EPHX1: variants seen among roughly 807,000 people sequenced by gnomAD.
The protein encoded by EPHX1 is epoxide hydrolase 1.
In EPHX1, 40 loss-of-function variants were observed where a neutral mutation model predicts 43.2. The observed-to-expected ratio is 0.93, with a 90% CI of 0.72 to 1.21. The LOEUF (loss-of-function observed/expected upper bound fraction) is 1.21. EPHX1 is among the 50% of genes most tolerant of loss of function. The pLI is 0.00. For synonymous variants in EPHX1, 221 were observed against 226.7 expected (o/e 0.98, Z 0.22); for missense variants, 550 against 570.4 (o/e 0.96, Z 0.36).
rs979428604 is a variant in EPHX1 at position 225,817,446 on chromosome 1, C to T, written c.-6+7277C>T. On this transcript the variant is annotated intron_variant, in intron 1 of 8. Coordinates refer to ENST00000272167, the MANE Select transcript of EPHX1 (RefSeq NM_001136018.4). This position sits in a 1 kb window ranked among gnomAD's most constrained non-coding sequence, Gnocchi z 5.7. Reference sequence around the variant, plus strand: ...GGGAAGCCATCCGTTTTTCCCTTTCCACTGGATGTTCCCTTCGCCTTCCCC... The same window carrying T: ...GGGAAGCCATCCGTTTTTCCCTTTCTACTGGATGTTCCCTTCGCCTTCCCC... 3.3e-5 allele frequency among the ~76,000 whole-genome samples: 5 copies of T among 152,192 alleles called. No homozygotes were observed. The highest frequency in any genetic ancestry group is 7.4e-5 in the Non-Finnish European group (5 of 68,026).
chr1:225,811,557 G>C (rs926435039), intron 1 of EPHX1, among the ~76,000 whole-genome samples: 1 of 152,214 alleles, frequency 6.6e-6, no homozygotes, highest in Non-Finnish European at 1.5e-5. Context: ...GTTGGTGGCT[G>C]TTTCGGTACC....
chr1:225,832,230 G>A (rs1283244320), intron 3 of EPHX1: 7 of 446,472 alleles, frequency 1.6e-5, no homozygotes, highest in Admixed American at 3.3e-5. Flanking sequence ...ATCTTTGAGA[G>A]GAAGGATGGA....
At chr1:225,813,968 T>C (rs2102676284) in intron 1 of EPHX1, among the ~76,000 whole-genome samples, 1 of 152,348 alleles carries the variant, frequency 6.6e-6, no homozygotes, top group South Asian at 2.1e-4. Flanking sequence ...GCCTTGTTCT[T>C]AGGTCGGGAG....
At chr1:225,843,910 C>T (rs80058156) in intron 7 of EPHX1, among the ~76,000 whole-genome samples, 6 of 152,156 alleles carry the variant, frequency 3.9e-5, no homozygotes, top group Non-Finnish European at 8.8e-5. Flanking sequence ...TCTGTCCCTG[C>T]TCCCTGCTGC....
At chr1:225,819,622 G>A (rs1264870833) in intron 1 of EPHX1, among the ~76,000 whole-genome samples, 2 of 152,112 alleles carry the variant, frequency 1.3e-5, no homozygotes, top group South Asian at 2.1e-4. Flanking sequence ...TTTCAAGGAC[G>A]TTGCCTGGGT....
At chr1:225,835,341 C>T (rs1417585809) in intron 3 of EPHX1, among the ~76,000 whole-genome samples, 1 of 150,174 alleles carries the variant, frequency 6.7e-6, no homozygotes, top group African/African-American at 2.5e-5. Flanking sequence ...ACCTCAGCCT[C>T]TCAAGTAGCT....
intron 2 of EPHX1, 43 bp from the exon 3 acceptor site, chr1:225,831,736 C>T (rs771231121): frequency 6.2e-7 from 1 of 1,602,038 alleles, no homozygotes; most frequent in Non-Finnish European, 8.5e-7. Context: ...TGTGCTCTGT[C>T]CTTCCCATCC....
intron 3 of EPHX1, among the ~76,000 whole-genome samples, chr1:225,838,261 G>C (rs189435407): frequency 6.6e-6 from 1 of 152,304 alleles, no homozygotes; most frequent in South Asian, 2.1e-4. Context: ...TGCTGGATAC[G>C]TGGGGCTTTC....
intron 6 of EPHX1, 36 bp downstream of exon 6, chr1:225,840,073 T>C (rs760390187): frequency 1.2e-6 from 2 of 1,605,608 alleles, no homozygotes; most frequent in South Asian, 2.2e-5. Flanking sequence ...CACTGCCGGC[T>C]CCACTGGGGC....
intron 2 of EPHX1, 99 bp downstream of exon 2, chr1:225,829,011 T>C: frequency 7.4e-7 from 1 of 1,358,154 alleles, no homozygotes; most frequent in Non-Finnish European, 1.0e-6. Flanking sequence ...GGACGGGGGC[T>C]TGGGAATGGT....
intron 5 of EPHX1, 86 bp downstream of exon 5, chr1:225,839,432 G>A: frequency 1.3e-6 from 2 of 1,585,886 alleles, no homozygotes; most frequent in Non-Finnish European, 8.5e-7. Context: ...TGTGCAGGGT[G>A]GGCCAAGGAC....
At chr1:225,828,616 G>C in intron 1 of EPHX1, 109 bp from the exon 2 acceptor site, 1 of 930,232 alleles carries the variant, frequency 1.1e-6, no homozygotes, top group Non-Finnish European at 1.7e-6. Context: ...TAAAATCAGG[G>C]ACAGGGTTGG....
At chr1:225,834,226 G>A (rs1351311789) in intron 3 of EPHX1, among the ~76,000 whole-genome samples, 1 of 150,684 alleles carries the variant, frequency 6.6e-6, no homozygotes, top group East Asian at 2.0e-4. Flanking sequence ...CCAACATGGT[G>A]AAACCCCGTC....
intron 1 of EPHX1, among the ~76,000 whole-genome samples, chr1:225,811,486 C>T (rs962009328): frequency 6.6e-6 from 1 of 152,156 alleles, no homozygotes; most frequent in African/African-American, 2.4e-5. Context: ...AGGCCCGCTT[C>T]CAGGACAGCC....
chr1:225,831,511 C>CCCT lies in EPHX1; in HGVS notation c.184-265_184-263dup, dbSNP rs373459026. Among the ~76,000 whole-genome samples, 113 of 151,690 alleles carry CCCT rather than the reference C, an allele frequency of 7.4e-4. 1 individual carries two copies. The highest frequency in any genetic ancestry group is 2.2e-3 in the African/African-American group (91 of 41,344). On this transcript the variant is annotated intron_variant, in intron 2 of 8. Coordinates refer to ENST00000272167, the MANE Select transcript of EPHX1 (RefSeq NM_001136018.4). ...GCAGTGGGCCGAGATCACGCCACTGCCCTCCAGCCTGGGCAACAGAGTGAG... is the reference window on the plus strand; with the variant it reads ...GCAGTGGGCCGAGATCACGCCACTGCCCTCCTCCAGCCTGGGCAACAGAGTGAG...
chr1:225,841,894 G>A (rs1559026164), intron 6 of EPHX1, among the ~76,000 whole-genome samples: 1 of 152,182 alleles, frequency 6.6e-6, no homozygotes, highest in Non-Finnish European at 1.5e-5. Flanking sequence ...ATGAGCCAAT[G>A]CCCCCAGCCT....
intron 2 of EPHX1, 67 bp downstream of exon 2, chr1:225,828,979 G>T: frequency 6.5e-7 from 1 of 1,536,564 alleles, no homozygotes; most frequent in Non-Finnish European, 8.8e-7. Context: ...CAGGGGTTGG[G>T]TCTTAGGCCA....
chr1:225,817,091 G>A lies in EPHX1; in HGVS notation c.-6+6922G>A, dbSNP rs1207071599. Among the ~76,000 whole-genome samples the A allele has an allele frequency of 9.2e-5, 14 of 152,082 alleles. No homozygotes were observed. Among genetic ancestry groups the A allele is most frequent in the Admixed American group, 8.5e-4 (13 of 15,274 alleles). ...TTCTGGCTCTAAGCTGTTTTCCCAGGGCTTGGCTCCGGCGCTTGCACAGAG... is the reference window on the plus strand; with the variant it reads ...TTCTGGCTCTAAGCTGTTTTCCCAGAGCTTGGCTCCGGCGCTTGCACAGAG... On this transcript the variant is annotated intron_variant, in intron 1 of 8. Transcript: ENST00000272167. The surrounding 1 kb of genome is among the most constrained non-coding windows in gnomAD (Gnocchi z 5.7).
At chr1:225,843,719 G>A (rs1037302691) in intron 7 of EPHX1, among the ~76,000 whole-genome samples, 2 of 152,254 alleles carry the variant, frequency 1.3e-5, no homozygotes, top group Non-Finnish European at 2.9e-5. Flanking sequence ...GAATACACTA[G>A]GGTGGAAATG....
Sources: allele counts gnomAD v4.1 joint callset (sites outside exome capture counted in the v4.1 genomes callset), GRCh38; gene constraint gnomAD v4.1.1; non-coding constraint Gnocchi (gnomAD v3.1); transcripts MANE v1.5; gene names NCBI Gene and HGNC (gene_info 2026-07-23, HGNC 2026-07-21).